NR1I2: variants seen among roughly 807,000 people sequenced by gnomAD.
The protein encoded by NR1I2 is nuclear receptor subfamily 1 group I member 2.
Under a neutral mutation model 43.3 loss-of-function variants are expected in NR1I2, and 42 were observed. That is an observed-to-expected ratio of 0.97 (90% CI 0.76 to 1.26). The LOEUF (loss-of-function observed/expected upper bound fraction) is 1.26, where lower values mean the gene tolerates loss of function less well. NR1I2 is among the 50% of genes most tolerant of loss of function. The pLI, the probability that NR1I2 is intolerant of heterozygous loss-of-function variation, is 0.00. For missense variants in NR1I2, 559 were observed against 566.7 expected (o/e 0.99, Z 0.14); for synonymous variants, 229 against 215.0 (o/e 1.06, Z -0.57).
intron 1 of NR1I2, chr3:119,792,183 A>T (rs547094385): frequency 9.4e-5 from 103 of 1,090,126 alleles, no homozygotes; most frequent in Middle Eastern, 2.0e-4. Context: ...GCTGCCATCC[A>T]TCACTACTGA....
chr3:119,806,210 C>G (rs970894316), intron 1 of NR1I2, among the ~76,000 whole-genome samples: 1 of 152,300 alleles, frequency 6.6e-6, no homozygotes, highest in Non-Finnish European at 1.5e-5. Context: ...TCCTCAGTGT[C>G]TGTTCCAAGT....
In NR1I2 at chr3:119,785,306, A is replaced by G. The variant is rs557233831; in HGVS notation, c.-23+3006A>G. Among the ~76,000 whole-genome samples, 217 of 152,322 alleles carry G rather than the reference A, an allele frequency of 1.4e-3. 2 individuals are homozygous for G. The highest frequency in any genetic ancestry group is 2.5e-3 in the Non-Finnish European group (168 of 68,036). ...CTCTTTGGGACTTGTTGAGATTGAA[A>G]TTGTTTTCCTCTAGAGGATTTATTT... On this transcript the variant is annotated intron_variant, in intron 1 of 8. Coordinates refer to ENST00000393716, the MANE Select transcript of NR1I2 (RefSeq NM_003889.4).
intron 1 of NR1I2, among the ~76,000 whole-genome samples, chr3:119,795,701 C>G (rs1322300764): frequency 6.6e-6 from 1 of 152,222 alleles, no homozygotes; most frequent in Non-Finnish European, 1.5e-5. Flanking sequence ...TTCTCACTGC[C>G]TTAGTTTTCC....
intron 1 of NR1I2, among the ~76,000 whole-genome samples, chr3:119,784,930 A>G (rs1210724297): frequency 6.6e-6 from 1 of 152,124 alleles, no homozygotes; most frequent in African/African-American, 2.4e-5. Flanking sequence ...TATTTTGCCT[A>G]GTTACCTTAT....
chr3:119,817,053 C>G lies in NR1I2; in HGVS notation c.1161-15C>G. 2 of 1,614,162 alleles carry G rather than the reference C, an allele frequency of 1.2e-6. No individual in the cohort carries two copies. Among genetic ancestry groups the G allele is most frequent in the East Asian group, 4.5e-5 (2 of 44,874 alleles). On this transcript the variant is annotated splice_polypyrimidine_tract_variant and intron_variant, in intron 8 of 8. Coordinates refer to ENST00000393716, the MANE Select transcript of NR1I2 (RefSeq NM_003889.4). The stretch of plus-strand genomic sequence containing the variant: ...GCGGGCTGCACCCACAATCTTTTCT[C>G]TGGCTGGCATGCAGGTTCTTGTTCC...
rs138861936 is a variant in NR1I2 at position 119,785,980 on chromosome 3, G to A, written c.-23+3680G>A. Among the ~76,000 whole-genome samples the A allele has an allele frequency of 3.8e-3, 576 of 152,044 alleles. 2 individuals carry two copies. Among genetic ancestry groups the A allele is most frequent in the Non-Finnish European group, 5.6e-3 (384 of 67,966 alleles). ...GTGAAGCTCTCTTCTATTCCTCTTG[G>A]TTAACCAAGAATTTTAAATCATGAA... On this transcript the variant is annotated intron_variant, in intron 1 of 8. Coordinates refer to ENST00000393716, the MANE Select transcript of NR1I2 (RefSeq NM_003889.4).
rs989056671 is a variant in NR1I2, at chr3:119,810,403, T to C, written c.331+209T>C. The C allele has an allele frequency of 4.1e-5, 28 of 682,388 alleles. No individual in the cohort carries two copies. The Admixed American group carries it at 5.3e-4, about 13-fold the overall frequency. 42.3% of individuals were successfully genotyped at this position (682,388 alleles called of 1,614,324 possible). A position where few individuals can be genotyped will look rare whatever the true frequency, so the allele number is the denominator to read the frequency against. ...TCTGGGAGATGGAGGGAGTCGGTAA[T>C]CTCTGCCCTGGGATGTGTGCTGGGC... is the stretch of plus-strand genomic sequence containing the variant. On this transcript the variant is annotated intron_variant, in intron 3 of 8. Coordinates refer to ENST00000393716, the MANE Select transcript of NR1I2 (RefSeq NM_003889.4).
intron 1 of NR1I2, among the ~76,000 whole-genome samples, chr3:119,804,907 C>T (rs1406681423): frequency 6.6e-6 from 1 of 151,938 alleles, no homozygotes; most frequent in Non-Finnish European, 1.5e-5. Flanking sequence ...TAATGATAAC[C>T]CTAGACATTT....
chr3:119,813,907 G>T (rs1012205717), intron 5 of NR1I2, among the ~76,000 whole-genome samples: 3 of 152,146 alleles, frequency 2.0e-5, no homozygotes, highest in Admixed American at 2.0e-4. Context: ...CGAGCACAGT[G>T]ACCTGAGGTG....
chr3:119,783,884 A>T (rs1344726442), intron 1 of NR1I2, among the ~76,000 whole-genome samples: 1 of 152,186 alleles, frequency 6.6e-6, no homozygotes, highest in African/African-American at 2.4e-5. Context: ...AGACTTGGAG[A>T]CTTTCCATAT....
rs2054797488 is a variant in NR1I2 at position 119,782,990 on chromosome 3, T to G, written c.-23+690T>G. ...CGGCTGAAGCTATGGCCAGAGGCAC[T>G]GCTTTAAGGCCACTCCATATCTAGG... On this transcript the variant is annotated intron_variant, in intron 1 of 8. Transcript: ENST00000393716. 4 of 739,876 alleles carry G rather than the reference T, an allele frequency of 5.4e-6. No homozygotes were observed. The South Asian group carries it at 5.9e-5, about 11-fold the overall frequency. 45.8% of individuals were successfully genotyped at this position (739,876 alleles called of 1,614,324 possible).
At position 119,817,640 on chromosome 3, in the gene NR1I2, T is replaced by C; in HGVS notation, c.*428T>C. The C allele has an allele frequency of 8.8e-7, 1 of 1,139,928 alleles. No individual in the cohort carries two copies. Among genetic ancestry groups the C allele is most frequent in the South Asian group, 2.1e-5 (1 of 48,754 alleles). 70.6% of individuals were successfully genotyped at this position (1,139,928 alleles called of 1,614,324 possible). A position where few individuals can be genotyped will look rare whatever the true frequency, so the allele number is the denominator to read the frequency against. The stretch of plus-strand genomic sequence containing the variant: ...TTTGTTCGCTTCCTGAGTCTTTTCA[T>C]TGCTACCTCTAATAGTCCTGTCTCC... On this transcript the variant is annotated 3_prime_UTR_variant, in exon 9 of 9. Transcript: ENST00000393716.
intron 1 of NR1I2, among the ~76,000 whole-genome samples, chr3:119,794,802 G>A (rs183215312): frequency 1.6e-3 from 241 of 152,296 alleles, no homozygotes; most frequent in Non-Finnish European, 1.8e-3. Flanking sequence ...ATCTGGTGTA[G>A]TGGCCCATGC....
At chr3:119,815,515 G>T in intron 7 of NR1I2, 76 bp downstream of exon 7, 1 of 1,295,374 alleles carries the variant, frequency 7.7e-7, no homozygotes, top group Non-Finnish European at 1.1e-6. Context: ...CCAGTCTATG[G>T]CCTTGCTCCT....
chr3:119,787,655 ATATGTGTGTGTGTGTG>A (rs1444517817), intron 1 of NR1I2, among the ~76,000 whole-genome samples: 3 of 79,482 alleles, frequency 3.8e-5, no homozygotes, highest in Admixed American at 1.6e-4. Flanking sequence ...TCTGCTATTA[ATATGTGTGTGTGTGTG>A]TGTGTGTGTG....
chr3:119,790,716 G>A (rs1559783319), intron 1 of NR1I2, among the ~76,000 whole-genome samples: 1 of 152,168 alleles, frequency 6.6e-6, no homozygotes, highest in Admixed American at 6.5e-5. Context: ...TGTGTACTAT[G>A]TTCTTTATGG....
Position 119,817,380 on chromosome 3 carries a change from G to A in NR1I2, c.*168G>A. On this transcript the variant is annotated 3_prime_UTR_variant, in exon 9 of 9. Coordinates refer to ENST00000393716, the MANE Select transcript of NR1I2 (RefSeq NM_003889.4). ...CAGCTGGCTAGCATTCCTCAGGAAG[G>A]ACATGGGTGCCCCCCACCCCCAGTT... The A allele has an allele frequency of 6.7e-7, 1 of 1,493,624 alleles. No individual in the cohort carries two copies. The highest frequency in any genetic ancestry group is 1.3e-5 in the South Asian group (1 of 77,424). The allele number at this position is 1,493,624 out of a possible 1,614,324, so 92.5% of individuals were successfully genotyped here. A position where few individuals can be genotyped will look rare whatever the true frequency, so the allele number is the denominator to read the frequency against.
rs1029156480 is a variant in NR1I2 at position 119,815,006 on chromosome 3, C to T, written c.822C>T (p.Ser274=). Reference sequence around the variant, plus strand: ...ACTTGCCCATCGAGGACCAGATCTCCCTGCTGAAGGGGGCCGCTTTCGAGC... The same window carrying T: ...ACTTGCCCATCGAGGACCAGATCTCTCTGCTGAAGGGGGCCGCTTTCGAGC... Residue 274 remains serine (S), a synonymous_variant, in exon 6 of 9, where the codon TCC becomes TCT. Coordinates refer to ENST00000393716, the MANE Select transcript of NR1I2 (RefSeq NM_003889.4). 1 of 1,614,182 alleles carries T rather than the reference C, an allele frequency of 6.2e-7. No individual in the cohort carries two copies. Among genetic ancestry groups the T allele is most frequent in the East Asian group, 2.2e-5 (1 of 44,872 alleles).
chr3:119,816,126 G>A (rs1032907778), intron 8 of NR1I2, among the ~76,000 whole-genome samples: 2 of 152,180 alleles, frequency 1.3e-5, no homozygotes, highest in Non-Finnish European at 2.9e-5. Context: ...ATTTTACGGA[G>A]CCCAAGGCCA....
Sources: allele counts gnomAD v4.1 joint callset (sites outside exome capture counted in the v4.1 genomes callset), GRCh38; gene constraint gnomAD v4.1.1; transcripts MANE v1.5; gene names NCBI Gene and HGNC (gene_info 2026-07-23, HGNC 2026-07-21).